Variants in ADK observed in about 807,000 individuals in gnomAD.
ADK encodes adenosine kinase.
In ADK, 24 loss-of-function variants were observed where a neutral mutation model predicts 44.7. The observed-to-expected ratio is 0.54, with a 90% confidence interval of 0.39 to 0.76. ADK has a LOEUF of 0.76. Ranked by LOEUF, ADK falls within the 30% of genes least tolerant of loss-of-function variation. ADK has a pLI of 0.00. For synonymous variants in ADK, 128 were observed against 142.6 expected, an observed-to-expected ratio of 0.90 and a Z score of 0.73; for missense variants, 321 against 425.1, an observed-to-expected ratio of 0.76 and a Z score of 2.15.
intron 9 of ADK, among the ~76,000 whole-genome samples, chr10:74,623,020 C>CA (rs1380003056): frequency 6.6e-6 from 1 of 151,850 alleles, no homozygotes; most frequent in African/African-American, 2.4e-5. Flanking sequence ...AAACAAAAAA[C>CA]AAAAAACAAA....
intron 6 of ADK, among the ~76,000 whole-genome samples, chr10:74,510,923 A>G (rs1325412986): frequency 6.6e-6 from 1 of 152,014 alleles, no homozygotes; most frequent in Non-Finnish European, 1.5e-5. Context: ...GTCGAGGCTG[A>G]TCTCAAACTC....
intron 6 of ADK, among the ~76,000 whole-genome samples, chr10:74,501,645 A>G (rs185161029): frequency 3.3e-4 from 51 of 152,328 alleles, no homozygotes; most frequent in Non-Finnish European, 6.2e-4. Flanking sequence ...ATTGTGATAG[A>G]TCCATACAAT....
At chr10:74,648,948 A>G (rs1269586044) in intron 9 of ADK, among the ~76,000 whole-genome samples, 1 of 152,064 alleles carries the variant, frequency 6.6e-6, no homozygotes, top group Non-Finnish European at 1.5e-5. Flanking sequence ...TTGGGAGGCC[A>G]AGGCAGGCGG....
intron 9 of ADK, among the ~76,000 whole-genome samples, chr10:74,612,150 A>G (rs555788521): frequency 6.6e-6 from 1 of 152,090 alleles, no homozygotes; most frequent in African/African-American, 2.4e-5. Flanking sequence ...TTACTTTTTA[A>G]TAATAGCTGT....
intron 7 of ADK, among the ~76,000 whole-genome samples, chr10:74,552,096 G>A (rs145752121): frequency 2.6e-4 from 40 of 151,656 alleles, no homozygotes; most frequent in African/African-American, 9.4e-4. Context: ...AGATACAGTG[G>A]GCCAACTGTA....
chr10:74,698,210 T>C (rs945467533), intron 10 of ADK, among the ~76,000 whole-genome samples: 3 of 152,182 alleles, frequency 2.0e-5, no homozygotes, highest in Admixed American at 2.0e-4. Flanking sequence ...GATACGCCTA[T>C]GTGTAACAGG....
At chr10:74,579,268 A>G (rs900011704) in intron 7 of ADK, among the ~76,000 whole-genome samples, 1 of 152,034 alleles carries the variant, frequency 6.6e-6, no homozygotes, top group African/African-American at 2.4e-5. Context: ...AAGGTAAGAC[A>G]CATTTAATAT....
chr10:74,406,053 A>T (rs937238918), intron 6 of ADK, among the ~76,000 whole-genome samples: 3 of 152,182 alleles, frequency 2.0e-5, no homozygotes, highest in Non-Finnish European at 2.9e-5. Context: ...CATCTACTAC[A>T]GTTCTCCTTA....
intron 6 of ADK, among the ~76,000 whole-genome samples, chr10:74,442,363 C>T (rs566885392): frequency 5.3e-5 from 8 of 152,156 alleles, no homozygotes; most frequent in South Asian, 2.1e-4. Flanking sequence ...TAAAGGAGAT[C>T]GGCCGGGCAT....
At chr10:74,159,644 G>A (rs1334384852) in intron 1 of ADK, among the ~76,000 whole-genome samples, 1 of 151,876 alleles carries the variant, frequency 6.6e-6, no homozygotes, top group Non-Finnish European at 1.5e-5. Context: ...CCAGGCTGGA[G>A]TGCGGTGGCA....
chr10:74,651,403 A>G (rs775115995), intron 9 of ADK, among the ~76,000 whole-genome samples: 1 of 152,068 alleles, frequency 6.6e-6, no homozygotes, highest in South Asian at 2.1e-4. Flanking sequence ...AGGACATTCT[A>G]CTCTCCTGTA....
intron 6 of ADK, among the ~76,000 whole-genome samples, chr10:74,450,427 T>TA (rs1845734990): frequency 6.6e-6 from 1 of 152,238 alleles, no homozygotes; most frequent in Admixed American, 6.5e-5. Context: ...GAGTAAGAAT[T>TA]ATGCAGTTTT....
At chr10:74,177,945 A>ATATATTTTTT (rs10693309) in intron 1 of ADK, among the ~76,000 whole-genome samples, 27 of 108,968 alleles carry the variant, frequency 2.5e-4, no homozygotes, top group Non-Finnish European at 3.9e-4. Flanking sequence ...ATATATATAT[A>ATATATTTTTT]TTTTTTTTTT....
rs556404063 is a variant in ADK at position 74,370,297 on chromosome 10, C to A, written c.274-23844C>A. Among the ~76,000 whole-genome samples the A allele has an allele frequency of 7.9e-5, 12 of 152,182 alleles. No individual in the cohort carries two copies. The South Asian group carries it at 2.5e-3, about 32-fold the overall frequency. ...CTACTGTTAAAACAAATTAGAAAAACAAACTAAAGGAATTTATGTTCATAT... is the reference window on the plus strand; with the variant it reads ...CTACTGTTAAAACAAATTAGAAAAAAAAACTAAAGGAATTTATGTTCATAT... On this transcript the variant is annotated intron_variant, in intron 4 of 10. Coordinates refer to ENST00000539909, the MANE Select transcript of ADK (RefSeq NM_006721.4).
At chr10:74,240,103 C>G (rs1351137233) in intron 3 of ADK, among the ~76,000 whole-genome samples, 1 of 151,976 alleles carries the variant, frequency 6.6e-6, no homozygotes, top group Non-Finnish European at 1.5e-5. Context: ...CAACCTCTAC[C>G]TCCCAGGTTC....
At chr10:74,190,655 A>T (rs1842925845) in intron 1 of ADK, among the ~76,000 whole-genome samples, 1 of 152,150 alleles carries the variant, frequency 6.6e-6, no homozygotes, top group Non-Finnish European at 1.5e-5. Context: ...GTTAAATATT[A>T]GGAAGTCTTG....
chr10:74,284,419 C>T (rs1344778949), intron 3 of ADK, among the ~76,000 whole-genome samples: 1 of 152,130 alleles, frequency 6.6e-6, no homozygotes, highest in African/African-American at 2.4e-5. Flanking sequence ...CGTGTGTCAC[C>T]ATGCCCGGCT....
intron 3 of ADK, among the ~76,000 whole-genome samples, chr10:74,262,871 G>A (rs1846087808): frequency 6.6e-6 from 1 of 152,160 alleles, no homozygotes; most frequent in South Asian, 2.1e-4. Flanking sequence ...GCTTGTTTAT[G>A]TTTTCATGAA....
chr10:74,213,333 G>A (rs1425354058), intron 2 of ADK, among the ~76,000 whole-genome samples: 2 of 152,128 alleles, frequency 1.3e-5, no homozygotes, highest in Non-Finnish European at 2.9e-5. Context: ...GCTGGTCTTG[G>A]AATCCTCTGA....
Sources: allele counts gnomAD v4.1 joint callset (sites outside exome capture counted in the v4.1 genomes callset), GRCh38; gene constraint gnomAD v4.1.1; transcripts MANE v1.5; gene names NCBI Gene and HGNC (gene_info 2026-07-23, HGNC 2026-07-21).